CSMD3: variants seen among roughly 807,000 people sequenced by gnomAD.
CSMD3 encodes the protein CUB and sushi domain-containing protein 3.
CSMD3 carries 177 observed loss-of-function variants against 435.2 expected under a neutral mutation model. The ratio of observed to expected loss-of-function variants is 0.41; its 90% CI spans 0.36 to 0.46. The LOEUF (loss-of-function observed/expected upper bound fraction) is 0.46, where lower values mean the gene tolerates loss of function less well. Among genes scored for constraint, CSMD3 ranks in the 20% least tolerant of loss-of-function variants. CSMD3 has a pLI of 0.34. For missense variants in CSMD3, 4,265 were observed against 4,504.6 expected (o/e 0.95, Z 1.52); for synonymous variants, 1,656 against 1,520.5 (o/e 1.09, Z -2.07).
At chr8:112,368,793 G>A (rs995818859) in intron 38 of CSMD3, among the ~76,000 whole-genome samples, 7 of 152,040 alleles carry the variant, frequency 4.6e-5, no homozygotes, top group African/African-American at 1.7e-4. Context: ...TAACTTAAAA[G>A]TACCTAAGCT....
chr8:112,711,384 G>GA (rs1402634839), intron 13 of CSMD3, among the ~76,000 whole-genome samples: 2 of 152,016 alleles, frequency 1.3e-5, no homozygotes, highest in Admixed American at 6.6e-5. Context: ...AGTAGGAGGA[G>GA]AAAAAATAAT....
chr8:112,611,815 A>G (rs1472448472), intron 22 of CSMD3, among the ~76,000 whole-genome samples: 4 of 152,202 alleles, frequency 2.6e-5, no homozygotes, highest in African/African-American at 9.7e-5. Flanking sequence ...ACAATATAAA[A>G]CAAAATATAT....
intron 38 of CSMD3, among the ~76,000 whole-genome samples, chr8:112,365,829 G>A (rs192064605): frequency 3.9e-5 from 6 of 152,110 alleles, no homozygotes; most frequent in Non-Finnish European, 5.9e-5. Context: ...ATATCATCTC[G>A]TTTGTGCTCT....
intron 50 of CSMD3, among the ~76,000 whole-genome samples, chr8:112,306,806 G>A (rs754204361): frequency 6.6e-6 from 1 of 152,046 alleles, no homozygotes; most frequent in Non-Finnish European, 1.5e-5. Flanking sequence ...GGATCTTCCT[G>A]AATTTCACTG....
At chr8:112,925,348 G>A (rs1000768899) in intron 9 of CSMD3, among the ~76,000 whole-genome samples, 8 of 151,918 alleles carry the variant, frequency 5.3e-5, no homozygotes, top group African/African-American at 1.9e-4. Flanking sequence ...TACGAGGTCA[G>A]GAGATCGAGA....
intron 1 of CSMD3, among the ~76,000 whole-genome samples, chr8:113,400,612 G>A (rs1371659259): frequency 2.0e-5 from 3 of 151,862 alleles, no homozygotes; most frequent in Admixed American, 6.6e-5. Context: ...TGGCCAAAAA[G>A]AAGAGATGTG....
At chr8:112,963,543 C>T (rs975074288) in intron 7 of CSMD3, among the ~76,000 whole-genome samples, 2 of 151,956 alleles carry the variant, frequency 1.3e-5, no homozygotes, top group Non-Finnish European at 2.9e-5. Context: ...ATCATCCTAC[C>T]ATTGGTTGTT....
intron 3 of CSMD3, among the ~76,000 whole-genome samples, chr8:113,211,130 C>T (rs184343531): frequency 6.6e-6 from 1 of 151,954 alleles, no homozygotes; most frequent in Admixed American, 6.6e-5. Context: ...TTGACTCAGG[C>T]GTCATGACAA....
chr8:112,931,476 G>A (rs866935259), intron 9 of CSMD3, among the ~76,000 whole-genome samples: 41 of 149,758 alleles, frequency 2.7e-4, no homozygotes, highest in Admixed American at 5.3e-4. Flanking sequence ...TGTAAAATCC[G>A]AAACTATAAA....
Position 112,512,571 on chromosome 8 carries a change from G to A in CSMD3, c.4756+4463C>T, listed in dbSNP as rs138717806. Among the ~76,000 whole-genome samples, 746 of 152,232 alleles carry A rather than the reference G, an allele frequency of 4.9e-3. 4 individuals are homozygous for A. Among genetic ancestry groups the A allele is most frequent in the African/African-American group, 0.011 (443 of 41,538 alleles). ...AAACCATAGTGTAAACAGATGTGCCGTTATCCAAGCTTAATTGTTCCATTT... is the reference window on the plus strand; with the variant it reads ...AAACCATAGTGTAAACAGATGTGCCATTATCCAAGCTTAATTGTTCCATTT... On this transcript the variant is annotated intron_variant, in intron 28 of 70. Coordinates refer to ENST00000297405, the MANE Select transcript of CSMD3 (RefSeq NM_198123.2).
At chr8:112,500,879 C>G (rs1468982112) in intron 30 of CSMD3, among the ~76,000 whole-genome samples, 1 of 139,908 alleles carries the variant, frequency 7.1e-6, no homozygotes, top group Non-Finnish European at 1.5e-5. Flanking sequence ...AATATAGCCC[C>G]TGCCAGGCAA....
chr8:112,446,573 C>G (rs1244357735), intron 32 of CSMD3, among the ~76,000 whole-genome samples: 3 of 152,162 alleles, frequency 2.0e-5, no homozygotes, highest in Admixed American at 2.0e-4. Context: ...AGTTGCTCAT[C>G]TGATTTCTAC....
intron 12 of CSMD3, among the ~76,000 whole-genome samples, chr8:112,817,873 T>G (rs925012286): frequency 6.6e-6 from 1 of 152,108 alleles, no homozygotes; most frequent in Non-Finnish European, 1.5e-5. Flanking sequence ...CTAAATAATT[T>G]TATTGGTCAT....
At chr8:113,122,458 C>T (rs1449670353) in intron 4 of CSMD3, among the ~76,000 whole-genome samples, 1 of 152,062 alleles carries the variant, frequency 6.6e-6, no homozygotes, top group Non-Finnish European at 1.5e-5. Flanking sequence ...ATTGAAGATA[C>T]ATTTAAGTTT....
intron 30 of CSMD3, among the ~76,000 whole-genome samples, chr8:112,499,202 GC>G (rs1471605962): frequency 6.6e-6 from 1 of 151,266 alleles, no homozygotes. Context: ...CAAATATGAA[GC>G]AAAAAATAAA....
chr8:112,759,854 C>A (rs867269460), intron 13 of CSMD3, among the ~76,000 whole-genome samples: 1 of 151,998 alleles, frequency 6.6e-6, no homozygotes, highest in Non-Finnish European at 1.5e-5. Context: ...AATTACCATT[C>A]TCAGAATAAT....
In CSMD3 at chr8:112,954,702, T is replaced by C. The variant is rs1420109449; in HGVS notation, c.1402A>G (p.Ser468Gly). 1 of 1,602,192 alleles carries C rather than the reference T, an allele frequency of 6.2e-7. No individual in the cohort carries two copies. Among genetic ancestry groups the C allele is most frequent in the African/African-American group, 1.3e-5 (1 of 74,628 alleles). The change falls in exon 8 of 71, where the codon AGC becomes GGC. Residue 468 changes from serine to glycine, a missense_variant. Physicochemically the swap from Ser to Gly is moderately conservative, Grantham distance 56. Transcript: ENST00000297405. Reference protein sequence around the residue: ...GFKLFPGKDNSNKFSILNEGG... With the variant: ...GFKLFPGKDNGNKFSILNEGG... The stretch of plus-strand genomic sequence containing the variant: ...CACTCACAGATAGAAAACTTGTTGC[T>C]GTTGTCTTTCCCTGGAAACAATTTA...
chr8:113,224,998 T>C (rs1332544271), intron 3 of CSMD3, among the ~76,000 whole-genome samples: 2 of 151,448 alleles, frequency 1.3e-5, no homozygotes, highest in African/African-American at 2.4e-5. Context: ...ATATATGTAT[T>C]ACTGTTTTCT....
At chr8:112,405,572 C>T (rs1831781084) in intron 35 of CSMD3, among the ~76,000 whole-genome samples, 1 of 151,544 alleles carries the variant, frequency 6.6e-6, no homozygotes, top group African/African-American at 2.4e-5. Context: ...ATTCTATTTA[C>T]CAATGCAAGT....
Sources: gnomAD v4.1 joint callset for allele counts (sites outside exome capture counted in the v4.1 genomes callset) on GRCh38, gnomAD v4.1.1 for gene constraint, MANE v1.5 for transcripts, NCBI Gene and HGNC (gene_info 2026-07-23, HGNC 2026-07-21) for gene names.